DLGAP3: variants seen among roughly 807,000 people sequenced by gnomAD.
DLGAP3 encodes the protein DLG associated protein 3, also known as disks large-associated protein 3.
DLGAP3 carries 17 observed loss-of-function variants against 81.2 expected under a neutral mutation model. The observed-to-expected ratio is 0.21, with a 90% CI of 0.14 to 0.31. The LOEUF (loss-of-function observed/expected upper bound fraction) is 0.31, where lower values mean the gene tolerates loss of function less well. Ranked by LOEUF, DLGAP3 falls within the 10% of genes least tolerant of loss-of-function variation. The pLI is 1.00. For synonymous variants in DLGAP3, 577 were observed against 587.4 expected (o/e 0.98, Z 0.26); for missense variants, 1,124 against 1,388.0 (o/e 0.81, Z 3.02).
intron 1 of DLGAP3, among the ~76,000 whole-genome samples, chr1:34,920,767 A>G (rs1421335049): frequency 6.6e-6 from 1 of 152,236 alleles, no homozygotes; most frequent in Non-Finnish European, 1.5e-5. Flanking sequence ...TCCAAGCTGA[A>G]TACTCTTCTG....
At chr1:34,901,981 C>G (rs1265602822) in intron 3 of DLGAP3, among the ~76,000 whole-genome samples, 1 of 152,100 alleles carries the variant, frequency 6.6e-6, no homozygotes, top group African/African-American at 2.4e-5. Context: ...TGGGATCAAG[C>G]CCTGGAAGAA....
At chr1:34,872,036 G>A (rs1638988634) in intron 8 of DLGAP3, among the ~76,000 whole-genome samples, 1 of 152,124 alleles carries the variant, frequency 6.6e-6, no homozygotes. Flanking sequence ...CAGCAGTGTG[G>A]GACAAGCTCA....
At chr1:34,928,519 G>C (rs1639907414) in intron 1 of DLGAP3, among the ~76,000 whole-genome samples, 1 of 152,056 alleles carries the variant, frequency 6.6e-6, no homozygotes, top group Non-Finnish European at 1.5e-5. Context: ...ACCAAGCTGG[G>C]GAGTGCCACA....
intron 8 of DLGAP3, among the ~76,000 whole-genome samples, chr1:34,876,173 G>A (rs1639053705): frequency 6.6e-6 from 1 of 152,232 alleles, no homozygotes; most frequent in Admixed American, 6.5e-5. Context: ...GGGGTGTGCA[G>A]TGGAGATAGA....
chr1:34,900,013 A>T lies in DLGAP3; in HGVS notation c.1313+55T>A. The T allele has an allele frequency of 2.7e-6, 4 of 1,482,240 alleles. No homozygotes were observed. The highest frequency in any genetic ancestry group is 3.7e-6 in the Non-Finnish European group (4 of 1,073,748). The allele number at this position is 1,482,240 out of a possible 1,614,324, so 91.8% of individuals were successfully genotyped here. On this transcript the variant is annotated intron_variant, in intron 4 of 11. Coordinates refer to ENST00000373347, the MANE Select transcript of DLGAP3 (RefSeq NM_001080418.3). The surrounding 1 kb of genome is among the most constrained non-coding windows in gnomAD (Gnocchi z 5.6). Reference sequence around the variant, plus strand: ...CACCCACTCTACACACATCTCCCGCAGGAGTCCAGCATCAGCCTCCTGACC... The same window carrying T: ...CACCCACTCTACACACATCTCCCGCTGGAGTCCAGCATCAGCCTCCTGACC...
At chr1:34,877,348 C>T (rs1374910034) in intron 8 of DLGAP3, among the ~76,000 whole-genome samples, 3 of 152,202 alleles carry the variant, frequency 2.0e-5, no homozygotes, top group African/African-American at 4.8e-5. Flanking sequence ...GAAATCGGAA[C>T]ATGAAGGCTT....
intron 5 of DLGAP3, among the ~76,000 whole-genome samples, chr1:34,889,987 G>A (rs1569624315): frequency 1.3e-5 from 2 of 152,150 alleles, no homozygotes; most frequent in South Asian, 4.1e-4. Flanking sequence ...GAATTGGAAA[G>A]GAGAACCTGC....
intron 1 of DLGAP3, among the ~76,000 whole-genome samples, chr1:34,920,677 G>C (rs1639782649): frequency 6.6e-6 from 1 of 152,114 alleles, no homozygotes; most frequent in Non-Finnish European, 1.5e-5. Context: ...CTTGCATCTT[G>C]TTCACCTTGA....
At chr1:34,893,178 C>CAAAAAAA (rs58802413) in intron 5 of DLGAP3, among the ~76,000 whole-genome samples, 1 of 84,802 alleles carries the variant, frequency 1.2e-5, no homozygotes, top group African/African-American at 4.3e-5. Flanking sequence ...GACTCCGTCT[C>CAAAAAAA]AAAAAAAAAA....
In DLGAP3 at chr1:34,895,991, T is replaced by G. The variant is rs1639375760; in HGVS notation, c.1386+3678A>C. ...GGGTCATACATCTAAATATAAATGT[T>G]AAACTACAAAATTCTTAGGAGAAAT... On this transcript the variant is annotated intron_variant, in intron 5 of 11. Transcript: ENST00000373347. The surrounding 1 kb of genome is among the most constrained non-coding windows in gnomAD (Gnocchi z 4.5). Among the ~76,000 whole-genome samples, 1 of 151,332 alleles carries G rather than the reference T, an allele frequency of 6.6e-6. No homozygotes were observed.
intron 1 of DLGAP3, among the ~76,000 whole-genome samples, chr1:34,912,799 G>A (rs752178700): frequency 6.6e-6 from 1 of 152,126 alleles, no homozygotes; most frequent in Non-Finnish European, 1.5e-5. Flanking sequence ...TTCACACTGG[G>A]AGCCCTAACA....
At chr1:34,907,570 T>C (rs1639574539) in intron 1 of DLGAP3, 133 bp from the exon 2 acceptor site, 1 of 152,702 alleles carries the variant, frequency 6.5e-6, no homozygotes, top group Admixed American at 6.5e-5. Context: ...TCCCCCATGA[T>C]GCAGAGCCTT....
intron 1 of DLGAP3, among the ~76,000 whole-genome samples, chr1:34,928,805 C>T (rs1432969458): frequency 2.0e-5 from 3 of 151,976 alleles, no homozygotes; most frequent in African/African-American, 4.8e-5. Context: ...CCGGCACACA[C>T]ATCCATTCAC....
chr1:34,886,297 G>T lies in DLGAP3; in HGVS notation c.1387-12C>A. 6.4e-7 allele frequency: 1 copy of T among 1,561,536 alleles called. No individual in the cohort carries two copies. Among genetic ancestry groups the T allele is most frequent in the East Asian group, 2.4e-5 (1 of 42,018 alleles). On this transcript the variant is annotated splice_polypyrimidine_tract_variant and intron_variant, in intron 5 of 11. Coordinates refer to ENST00000373347, the MANE Select transcript of DLGAP3 (RefSeq NM_001080418.3). ...AACTCATCGCTGAGCTGGGGGGCAG[G>T]GGGTCGGGAGGACAGTTATAAGGTG... is the stretch of plus-strand genomic sequence containing the variant.
chr1:34,885,205 A>G, intron 7 of DLGAP3, 142 bp from the exon 8 acceptor site: 1 of 885,230 alleles, frequency 1.1e-6, no homozygotes. Flanking sequence ...TGAGAGACCC[A>G]GGCGGTCGGT....
At chr1:34,922,232 G>A (rs548429720) in intron 1 of DLGAP3, among the ~76,000 whole-genome samples, 1 of 152,268 alleles carries the variant, frequency 6.6e-6, no homozygotes, top group East Asian at 1.9e-4. Flanking sequence ...TCATATGATG[G>A]AGAACAGTTG....
intron 8 of DLGAP3, among the ~76,000 whole-genome samples, chr1:34,881,696 C>T (rs1639147070): frequency 7.1e-6 from 1 of 141,424 alleles, no homozygotes; most frequent in Non-Finnish European, 1.5e-5. Context: ...ACAATGGGAT[C>T]AAGCAGGGTT....
rs79528950 is a variant in DLGAP3, at chr1:34,889,780, G to T, written c.1387-3495C>A. Reference sequence around the variant, plus strand: ...TGCATAGCTGAGCTCACAAGAAAGCGAGATAAGTCCCCAGGGGACAAAAGC... The same window carrying T: ...TGCATAGCTGAGCTCACAAGAAAGCTAGATAAGTCCCCAGGGGACAAAAGC... On this transcript the variant is annotated intron_variant, in intron 5 of 11. Coordinates refer to ENST00000373347, the MANE Select transcript of DLGAP3 (RefSeq NM_001080418.3). Among the ~76,000 whole-genome samples, 5 of 152,242 alleles carry T rather than the reference G, an allele frequency of 3.3e-5. No homozygotes were observed. The South Asian group carries it at 1.0e-3, about 32-fold the overall frequency.
chr1:34,916,842 C>T (rs1639724947), intron 1 of DLGAP3, among the ~76,000 whole-genome samples: 1 of 151,968 alleles, frequency 6.6e-6, no homozygotes, highest in Admixed American at 6.5e-5. Context: ...ACTATAGGCC[C>T]GTGCCGCCAC....
Sources: gnomAD v4.1 joint callset for allele counts (sites outside exome capture counted in the v4.1 genomes callset) on GRCh38, gnomAD v4.1.1 for gene constraint, Gnocchi (gnomAD v3.1) non-coding constraint, MANE v1.5 for transcripts, NCBI Gene and HGNC (gene_info 2026-07-23, HGNC 2026-07-21) for gene names.